Variants in GFRA2 observed in about 807,000 individuals in gnomAD.
The protein encoded by GFRA2 is GDNF family receptor alpha-2.
In GFRA2, 17 loss-of-function variants were observed where a neutral mutation model predicts 48.3. The observed-to-expected ratio is 0.35, with a 90% CI of 0.24 to 0.53. The LOEUF (loss-of-function observed/expected upper bound fraction) is 0.53. GFRA2 is among the 20% of genes least tolerant of loss of function. The pLI is 0.93. For synonymous variants in GFRA2, 305 were observed against 257.2 expected, an observed-to-expected ratio of 1.19 and a Z score of -1.78; for missense variants, 660 against 637.3, an observed-to-expected ratio of 1.04 and a Z score of -0.38.
chr8:21,787,264 G>C, intron 1 of GFRA2, among the ~76,000 whole-genome samples: 1 of 118,634 alleles, frequency 8.4e-6, no homozygotes, highest in East Asian at 2.3e-4. Context: ...TGGAGGCGGC[G>C]GGGGGGGCAG....
intron 1 of GFRA2, among the ~76,000 whole-genome samples, chr8:21,785,142 G>A (rs996027385): frequency 3.9e-5 from 6 of 152,196 alleles, no homozygotes; most frequent in Admixed American, 6.5e-5. Flanking sequence ...AGAATTCACC[G>A]CGTGCTTAAA....
Position 21,704,984 on chromosome 8 carries a change from C to T in GFRA2, c.1045+1G>A, listed in dbSNP as rs1177297628. The T allele has an allele frequency of 1.2e-6, 2 of 1,608,372 alleles. No homozygotes were observed. The highest frequency in any genetic ancestry group is 1.7e-5 in the Admixed American group (1 of 59,750). On this transcript the variant is annotated splice_donor_variant, in intron 6 of 8. Transcript: ENST00000524240. LOFTEE classifies it high-confidence loss of function. ...GGTTGGGGAGAACATCCAGAACTTA[C>T]GGAGGCATGGGTTCTCGGTGAAGTC... is the stretch of plus-strand genomic sequence containing the variant.
At chr8:21,740,911 T>C (rs1416828219) in intron 4 of GFRA2, among the ~76,000 whole-genome samples, 1 of 152,182 alleles carries the variant, frequency 6.6e-6, no homozygotes, top group Non-Finnish European at 1.5e-5. Context: ...ACCAGGTATA[T>C]CACTTCTACC....
chr8:21,796,064 G>C (rs1585350918), intron 2 of GFRA2, among the ~76,000 whole-genome samples: 1 of 152,202 alleles, frequency 6.6e-6, no homozygotes, highest in African/African-American at 2.4e-5. Flanking sequence ...ATAGCAGCAG[G>C]AGCTAAGCTA....
chr8:21,722,533 T>C (rs1803650094), intron 4 of GFRA2, among the ~76,000 whole-genome samples: 1 of 152,070 alleles, frequency 6.6e-6, no homozygotes, highest in South Asian at 2.1e-4. Flanking sequence ...CCTGTCAGCT[T>C]AAGGTCAGGT....
At chr8:21,736,750 C>T (rs761037922) in intron 4 of GFRA2, among the ~76,000 whole-genome samples, 4 of 152,154 alleles carry the variant, frequency 2.6e-5, no homozygotes, top group South Asian at 4.2e-4. Context: ...AATCCTCCTG[C>T]CAAAGTGCTG....
At chr8:21,784,909 G>C (rs796796491) in intron 1 of GFRA2, among the ~76,000 whole-genome samples, 2 of 152,106 alleles carry the variant, frequency 1.3e-5, no homozygotes, top group South Asian at 4.1e-4. Context: ...GCGTACAGCC[G>C]GGCCCCCCAA....
chr8:21,774,128 G>C (rs1806569868), intron 3 of GFRA2, among the ~76,000 whole-genome samples: 1 of 152,050 alleles, frequency 6.6e-6, no homozygotes, highest in South Asian at 2.1e-4. Flanking sequence ...TCAATCTCCA[G>C]CAATCCCCTA....
At chr8:21,730,635 T>C (rs1353554466) in intron 4 of GFRA2, among the ~76,000 whole-genome samples, 1 of 152,012 alleles carries the variant, frequency 6.6e-6, no homozygotes, top group Non-Finnish European at 1.5e-5. Context: ...CTCTCACACA[T>C]ACAAACGCAC....
At chr8:21,715,011 T>C (rs546091880) in intron 4 of GFRA2, among the ~76,000 whole-genome samples, 1 of 152,308 alleles carries the variant, frequency 6.6e-6, no homozygotes, top group East Asian at 1.9e-4. Context: ...AGTGCAGGCC[T>C]TGGTTAAGTG....
intron 4 of GFRA2, among the ~76,000 whole-genome samples, chr8:21,713,507 C>A (rs1803177075): frequency 6.6e-6 from 1 of 151,972 alleles, no homozygotes; most frequent in Non-Finnish European, 1.5e-5. Context: ...GGCAACAGTA[C>A]TTGATGAATA....
chr8:21,775,325 C>G (rs949838239), intron 2 of GFRA2, among the ~76,000 whole-genome samples: 117 of 152,332 alleles, frequency 7.7e-4, no homozygotes, highest in African/African-American at 2.6e-3. Flanking sequence ...GCTTCTCTCT[C>G]GTGACCACCC....
chr8:21,777,908 G>A (rs1806788549), intron 2 of GFRA2, among the ~76,000 whole-genome samples: 1 of 152,162 alleles, frequency 6.6e-6, no homozygotes, highest in Non-Finnish European at 1.5e-5. Context: ...CAGATCCTCT[G>A]CAGTTCAGAC....
rs1563207204 is a variant in GFRA2 at position 21,692,151 on chromosome 8, G to C, written c.*1127C>G. On this transcript the variant is annotated 3_prime_UTR_variant, in exon 9 of 9. Coordinates refer to ENST00000524240, the MANE Select transcript of GFRA2 (RefSeq NM_001495.5). ...TCCTTTTTCCCCATTATAGACAACA[G>C]TATTAAAAAAAATAAACTTTACAAT... 1 of 152,276 alleles carries C rather than the reference G, an allele frequency of 6.6e-6. No individual in the cohort carries two copies. The highest frequency in any genetic ancestry group is 1.5e-5 in the Non-Finnish European group (1 of 67,990). 9.4% of individuals were successfully genotyped at this position (152,276 alleles called of 1,614,324 possible).
At chr8:21,766,498 G>T (rs141256360) in intron 3 of GFRA2, among the ~76,000 whole-genome samples, 1 of 151,886 alleles carries the variant, frequency 6.6e-6, no homozygotes, top group East Asian at 2.0e-4. Flanking sequence ...CCTTCCCTCT[G>T]AGCCTAAGCT....
chr8:21,713,703 A>T (rs1798568005), intron 4 of GFRA2, among the ~76,000 whole-genome samples: 1 of 152,160 alleles, frequency 6.6e-6, no homozygotes. Flanking sequence ...TAGATTCTCT[A>T]GCTCCACCCT....
intron 7 of GFRA2, among the ~76,000 whole-genome samples, chr8:21,699,272 G>A (rs997375423): frequency 1.3e-5 from 2 of 152,228 alleles, no homozygotes; most frequent in African/African-American, 4.8e-5. Flanking sequence ...GAGCAGACAG[G>A]AGGAGGGAGG....
chr8:21,706,480 C>A (rs145779934), intron 4 of GFRA2: 1 of 457,452 alleles, frequency 2.2e-6, no homozygotes. Context: ...ACCAGCAAAA[C>A]AGGTGACTAG....
intron 3 of GFRA2, among the ~76,000 whole-genome samples, chr8:21,763,997 ACACACACACAC>A (rs1563254967): frequency 8.6e-6 from 1 of 116,908 alleles, no homozygotes; most frequent in Admixed American, 8.3e-5. Context: ...ACACACACAC[ACACACACACAC>A]ACCAGCTGAC....
Sources: gnomAD v4.1 joint callset for allele counts (sites outside exome capture counted in the v4.1 genomes callset) on GRCh38, gnomAD v4.1.1 for gene constraint, MANE v1.5 for transcripts, NCBI Gene and HGNC (gene_info 2026-07-23, HGNC 2026-07-21) for gene names.